The following MGAT4C variants were observed in gnomAD, a reference collection of about 807,000 sequenced individuals.
The protein encoded by MGAT4C is alpha-1,3-mannosyl-glycoprotein 4-beta-N-acetylglucosaminyltransferase C.
A neutral mutation model predicts 40.1 loss-of-function variants in MGAT4C; 19 were observed. The observed-to-expected ratio is 0.47, with a 90% CI of 0.33 to 0.70. The LOEUF (loss-of-function observed/expected upper bound fraction) is 0.70. Among genes scored for constraint, MGAT4C ranks in the 30% least tolerant of loss-of-function variants. The pLI, the probability that MGAT4C is intolerant of heterozygous loss-of-function variation, is 0.02. For synonymous variants in MGAT4C, 181 were observed against 187.1 expected, an observed-to-expected ratio of 0.97 and a Z score of 0.27; for missense variants, 491 against 563.2, an observed-to-expected ratio of 0.87 and a Z score of 1.30.
At chr12:86,028,271 C>T (rs1890421496) in intron 2 of MGAT4C, 1 of 892,482 alleles carries the variant, frequency 1.1e-6, no homozygotes. Flanking sequence ...CTTCTCTTGC[C>T]CTAGTAATTG....
At chr12:86,752,780 G>T (rs1446759160) in intron 1 of MGAT4C, among the ~76,000 whole-genome samples, 2 of 151,960 alleles carry the variant, frequency 1.3e-5, no homozygotes, top group Non-Finnish European at 2.9e-5. Context: ...TTTTGACAAA[G>T]GTATGAAGGC....
At chr12:86,481,778 A>T (rs1384784333) in intron 2 of MGAT4C, among the ~76,000 whole-genome samples, 3 of 151,760 alleles carry the variant, frequency 2.0e-5, no homozygotes, top group Admixed American at 6.6e-5. Context: ...ATATATTTTT[A>T]TTTATTTTTC....
At chr12:86,522,845 C>A (rs1958818458) in intron 2 of MGAT4C, among the ~76,000 whole-genome samples, 1 of 151,910 alleles carries the variant, frequency 6.6e-6, no homozygotes, top group Non-Finnish European at 1.5e-5. Flanking sequence ...ATGTCTGTGT[C>A]CAGGAATTTA....
chr12:86,811,140 G>T (rs1952464116), intron 1 of MGAT4C, among the ~76,000 whole-genome samples: 1 of 150,726 alleles, frequency 6.6e-6, no homozygotes, highest in East Asian at 2.0e-4. Context: ...GTCATTGTTG[G>T]CAGGGGACAC....
At chr12:86,067,557 G>A (rs967961070) in intron 1 of MGAT4C, among the ~76,000 whole-genome samples, 1 of 151,934 alleles carries the variant, frequency 6.6e-6, no homozygotes, top group Non-Finnish European at 1.5e-5. Flanking sequence ...GGGCCTGTTG[G>A]GGGGTGGGGG....
intron 4 of MGAT4C, among the ~76,000 whole-genome samples, chr12:86,275,588 C>A (rs998894536): frequency 2.4e-4 from 37 of 151,976 alleles, no homozygotes; most frequent in African/African-American, 8.7e-4. Context: ...ACAAATTGAT[C>A]CAATGTAGTG....
At chr12:86,124,902 T>C (rs914636075) in intron 1 of MGAT4C, among the ~76,000 whole-genome samples, 2 of 152,148 alleles carry the variant, frequency 1.3e-5, no homozygotes, top group African/African-American at 4.8e-5. Context: ...TTGTCATTGA[T>C]AATATTTGTA....
intron 2 of MGAT4C, among the ~76,000 whole-genome samples, chr12:86,442,894 T>C (rs927182102): frequency 6.6e-6 from 1 of 152,252 alleles, no homozygotes; most frequent in East Asian, 1.9e-4. Context: ...GCCATCAACA[T>C]TGAGGTAAGA....
At chr12:86,491,932 A>G (rs1212592371) in intron 2 of MGAT4C, among the ~76,000 whole-genome samples, 1 of 152,122 alleles carries the variant, frequency 6.6e-6, no homozygotes, top group Admixed American at 6.6e-5. Flanking sequence ...TAAGCTGATA[A>G]GCAACTTCAG....
intron 2 of MGAT4C, among the ~76,000 whole-genome samples, chr12:86,442,295 G>A (rs995514730): frequency 3.3e-5 from 5 of 152,094 alleles, no homozygotes; most frequent in African/African-American, 1.2e-4. Flanking sequence ...TCTGTAGGTT[G>A]CCTGTTCACT....
intron 3 of MGAT4C, among the ~76,000 whole-genome samples, chr12:86,361,524 G>C (rs1313830520): frequency 2.0e-5 from 3 of 152,146 alleles, no homozygotes; most frequent in Admixed American, 6.5e-5. Flanking sequence ...CACAGCAAAA[G>C]AAACTACCAT....
At chr12:86,083,326 T>C (rs148534220) in intron 1 of MGAT4C, among the ~76,000 whole-genome samples, 216 of 152,196 alleles carry the variant, frequency 1.4e-3, no homozygotes, top group Middle Eastern at 6.8e-3. Flanking sequence ...TCATTGATTC[T>C]CAGTACTGCT....
At chr12:86,319,467 A>G (rs563162316) in intron 4 of MGAT4C, among the ~76,000 whole-genome samples, 1 of 152,238 alleles carries the variant, frequency 6.6e-6, no homozygotes, top group South Asian at 2.1e-4. Flanking sequence ...CTAAGTTTAA[A>G]TACCTTACTA....
At chr12:86,600,645 T>C (rs1165299757) in intron 2 of MGAT4C, among the ~76,000 whole-genome samples, 3 of 152,160 alleles carry the variant, frequency 2.0e-5, no homozygotes, top group Non-Finnish European at 2.9e-5. Context: ...AGTGGCCCGG[T>C]TGGAGCAGCC....
intron 1 of MGAT4C, among the ~76,000 whole-genome samples, chr12:86,217,086 T>A (rs2135976241): frequency 6.6e-6 from 1 of 152,260 alleles, no homozygotes; most frequent in East Asian, 1.9e-4. Flanking sequence ...CTGAGAAAAA[T>A]CTTTACAAGT....
rs189335588 is a variant in MGAT4C, at chr12:86,779,251, G to A, written c.-261-52010C>T. On this transcript the variant is annotated intron_variant, in intron 1 of 7. Transcript: ENST00000548651. Reference sequence around the variant, plus strand: ...AAAAATTATAAACAATTGAGGTATGGCCCAGGTTTTTCTCGAGAATTTTGT... The same window carrying A: ...AAAAATTATAAACAATTGAGGTATGACCCAGGTTTTTCTCGAGAATTTTGT... Among the ~76,000 whole-genome samples, 10 of 152,050 alleles carry A rather than the reference G, an allele frequency of 6.6e-5. No individual in the cohort carries two copies. In the East Asian group the frequency reaches 1.9e-3, roughly 29 times the overall value.
At chr12:86,561,792 T>C (rs889984814) in intron 2 of MGAT4C, among the ~76,000 whole-genome samples, 3 of 152,196 alleles carry the variant, frequency 2.0e-5, no homozygotes, top group South Asian at 4.1e-4. Flanking sequence ...CCCTGACTAA[T>C]ACAGATTTTG....
At chr12:86,634,065 AG>A (rs562705894) in intron 2 of MGAT4C, among the ~76,000 whole-genome samples, 190 of 152,208 alleles carry the variant, frequency 1.2e-3, no homozygotes, top group Non-Finnish European at 1.0e-3. Context: ...TATATACTGA[AG>A]ATATGAGGAT....
Position 85,960,527 on chromosome 12 carries a change from T to G in MGAT4C, c.*18762A>C, listed in dbSNP as rs1437706342. On this transcript the variant is annotated 3_prime_UTR_variant, in exon 5 of 5. Coordinates refer to ENST00000611864, the MANE Select transcript of MGAT4C (RefSeq NM_001351288.2). ...TGCTCTCAGCAAATCAATTAATCCT[T>G]CATTCTTTTTTTCTCCCCTTACTCC... The G allele has an allele frequency of 1.3e-5, 2 of 152,014 alleles. No homozygotes were observed. Among genetic ancestry groups the G allele is most frequent in the Non-Finnish European group, 2.9e-5 (2 of 67,914 alleles). 9.4% of individuals were successfully genotyped at this position (152,014 alleles called of 1,614,324 possible).
Sources: gnomAD v4.1 joint callset for allele counts (sites outside exome capture counted in the v4.1 genomes callset) on GRCh38, gnomAD v4.1.1 for gene constraint, MANE v1.5 for transcripts, NCBI Gene and HGNC (gene_info 2026-07-23, HGNC 2026-07-21) for gene names.